Variants in STOX2 observed in about 807,000 individuals in gnomAD.
STOX2 encodes the protein storkhead box 2, also known as storkhead-box protein 2.
Under a neutral mutation model 60.9 loss-of-function variants are expected in STOX2, and 28 were observed. The ratio of observed to expected loss-of-function variants is 0.46; its 90% CI spans 0.34 to 0.63. The LOEUF (loss-of-function observed/expected upper bound fraction) is 0.63, where lower values mean the gene tolerates loss of function less well. Ranked by LOEUF, STOX2 falls within the 30% of genes least tolerant of loss-of-function variation. The pLI is 0.01. For missense variants in STOX2, 1,024 were observed against 1,187.7 expected, an observed-to-expected ratio of 0.86 and a Z score of 2.03; for synonymous variants, 472 against 463.9, an observed-to-expected ratio of 1.02 and a Z score of -0.22.
At chr4:183,956,008 G>A (rs1378924389) in intron 1 of STOX2, among the ~76,000 whole-genome samples, 4 of 152,134 alleles carry the variant, frequency 2.6e-5, no homozygotes, top group Admixed American at 2.6e-4. Context: ...TTCAGTAACT[G>A]ATTTCTCCTT....
intron 1 of STOX2, chr4:183,798,120 C>A: frequency 1.7e-6 from 2 of 1,212,042 alleles, no homozygotes; most frequent in South Asian, 8.4e-5. Context: ...GCCGTGCGGT[C>A]GCGGGTGCCC....
At chr4:184,005,234 C>T (rs6828396) in intron 2 of STOX2, among the ~76,000 whole-genome samples, 102,543 of 151,952 alleles carry the variant, frequency 0.67, 36,311 homozygotes, top group Middle Eastern at 0.8. Flanking sequence ...CCGAGGTGGG[C>T]GGATCACTTG....
At chr4:183,866,784 C>A (rs1320777419) in intron 1 of STOX2, among the ~76,000 whole-genome samples, 35 of 152,092 alleles carry the variant, frequency 2.3e-4, no homozygotes, top group Non-Finnish European at 2.9e-5. Context: ...GAGGCCAAGA[C>A]GGGAGGAACA....
intron 1 of STOX2, among the ~76,000 whole-genome samples, chr4:183,811,114 A>G (rs1739024858): frequency 6.6e-6 from 1 of 152,180 alleles, no homozygotes; most frequent in African/African-American, 2.4e-5. Context: ...GAGAAGGTTC[A>G]AGAGACTGAC....
At chr4:183,926,921 C>G (rs1579426071) in intron 1 of STOX2, among the ~76,000 whole-genome samples, 1 of 152,204 alleles carries the variant, frequency 6.6e-6, no homozygotes, top group African/African-American at 2.4e-5. Flanking sequence ...CGGGCCCGAC[C>G]ACAAATAGTG....
intron 1 of STOX2, among the ~76,000 whole-genome samples, chr4:183,916,243 C>T (rs1338081667): frequency 6.6e-6 from 1 of 152,180 alleles, no homozygotes; most frequent in Non-Finnish European, 1.5e-5. Flanking sequence ...TAGGTTTGTG[C>T]TTGGTGGTGG....
chr4:183,971,506 C>T (rs1485313571), intron 1 of STOX2, among the ~76,000 whole-genome samples: 4 of 152,162 alleles, frequency 2.6e-5, no homozygotes, highest in Non-Finnish European at 5.9e-5. Flanking sequence ...GCACTCATGT[C>T]AATCAGTTTG....
chr4:183,824,990 A>G (rs1016041192), intron 1 of STOX2, among the ~76,000 whole-genome samples: 1 of 152,236 alleles, frequency 6.6e-6, no homozygotes, highest in African/African-American at 2.4e-5. Context: ...CTTGGCCTGC[A>G]CAATTGGAAT....
intron 2 of STOX2, among the ~76,000 whole-genome samples, chr4:184,005,091 C>T (rs1473939738): frequency 1.3e-5 from 2 of 152,222 alleles, no homozygotes; most frequent in African/African-American, 4.8e-5. Flanking sequence ...AAGCGTTTCA[C>T]TTGAAAGTGC....
chr4:184,017,494 G>A lies in STOX2; in HGVS notation c.*210G>A, dbSNP rs976424892. On this transcript the variant is annotated 3_prime_UTR_variant, in exon 4 of 4. Coordinates refer to ENST00000308497, the MANE Select transcript of STOX2 (RefSeq NM_020225.3). ...ACATTTATGGCTCTGTAGCAACTGA[G>A]TAACAGTAGGGGTGATATGTATACT... is the stretch of plus-strand genomic sequence containing the variant. 1.4e-5 allele frequency: 7 copies of A among 505,192 alleles called. No homozygotes were observed. The highest frequency in any genetic ancestry group is 7.8e-5 in the African/African-American group (4 of 51,002). 31.3% of individuals were successfully genotyped at this position (505,192 alleles called of 1,614,324 possible). A position where few individuals can be genotyped will look rare whatever the true frequency, so the allele number is the denominator to read the frequency against.
Position 184,020,913 on chromosome 4 carries a change from C to T in STOX2, c.*3629C>T, listed in dbSNP as rs1270908244. The T allele has an allele frequency of 2.0e-5, 3 of 152,170 alleles. No individual in the cohort carries two copies. Among genetic ancestry groups the T allele is most frequent in the Non-Finnish European group, 4.4e-5 (3 of 68,028 alleles). 9.4% of individuals were successfully genotyped at this position (152,170 alleles called of 1,614,324 possible). ...GTAAATTTAAATTACATTGCAGTCA[C>T]CATGGGGAGAAGAAACCTGTTCAGT... On this transcript the variant is annotated 3_prime_UTR_variant, in exon 4 of 4. Coordinates refer to ENST00000308497, the MANE Select transcript of STOX2 (RefSeq NM_020225.3).
chr4:183,830,344 C>A (rs150533688), intron 1 of STOX2, among the ~76,000 whole-genome samples: 1 of 152,342 alleles, frequency 6.6e-6, no homozygotes, highest in African/African-American at 2.4e-5. Context: ...TCTCAGTCGA[C>A]TGAATTACAT....
chr4:183,895,620 C>G (rs1741323416), intron 1 of STOX2, among the ~76,000 whole-genome samples: 1 of 152,214 alleles, frequency 6.6e-6, no homozygotes, highest in Non-Finnish European at 1.5e-5. Flanking sequence ...GTCTCCTGCC[C>G]TTAGGAGGCA....
chr4:183,928,800 C>T (rs1323876796), intron 1 of STOX2, among the ~76,000 whole-genome samples: 1 of 151,478 alleles, frequency 6.6e-6, no homozygotes, highest in Admixed American at 6.6e-5. Flanking sequence ...AGCGAGACTC[C>T]ATCTCAGGAA....
intron 1 of STOX2, among the ~76,000 whole-genome samples, chr4:183,959,704 C>T (rs1485704505): frequency 6.6e-6 from 1 of 152,130 alleles, no homozygotes; most frequent in Non-Finnish European, 1.5e-5. Context: ...ATTGAAAGAA[C>T]ATTTTGACCA....
chr4:183,808,144 TC>T (rs1738950763), intron 1 of STOX2, among the ~76,000 whole-genome samples: 1 of 152,232 alleles, frequency 6.6e-6, no homozygotes, highest in Non-Finnish European at 1.5e-5. Flanking sequence ...CCTGGACTCT[TC>T]CTGAGGAAGT....
chr4:183,830,196 G>A (rs754332592), intron 1 of STOX2, among the ~76,000 whole-genome samples: 1 of 152,156 alleles, frequency 6.6e-6, no homozygotes, highest in Non-Finnish European at 1.5e-5. Flanking sequence ...GTCACCTGGT[G>A]CGTTGTTACT....
At chr4:183,952,735 T>G (rs1743129890) in intron 1 of STOX2, among the ~76,000 whole-genome samples, 1 of 152,212 alleles carries the variant, frequency 6.6e-6, no homozygotes, top group Non-Finnish European at 1.5e-5. Flanking sequence ...AATGCTGAAT[T>G]AAACAAAGTT....
chr4:183,841,065 ACCATGTTGCCCAGGCTGG>A (rs1739846816), intron 1 of STOX2, among the ~76,000 whole-genome samples: 1 of 152,152 alleles, frequency 6.6e-6, no homozygotes, highest in Admixed American at 6.5e-5. Flanking sequence ...ATAGGGTTTC[ACCATGTTGCCCAGGCTGG>A]TCTCAAATTC....
Sources: gnomAD v4.1 joint callset for allele counts (sites outside exome capture counted in the v4.1 genomes callset) on GRCh38, gnomAD v4.1.1 for gene constraint, MANE v1.5 for transcripts, NCBI Gene and HGNC (gene_info 2026-07-23, HGNC 2026-07-21) for gene names.